Variants in ADAMTS20 observed in about 807,000 individuals in gnomAD.
ADAMTS20 encodes ADAM metallopeptidase with thrombospondin type 1 motif 20.
ADAMTS20 carries 225 observed loss-of-function variants against 260.1 expected under a neutral mutation model. The observed-to-expected ratio is 0.87, with a 90% CI of 0.78 to 0.97. The LOEUF is 0.97. ADAMTS20 is among the 50% of genes least tolerant of loss of function. The pLI is 0.00. For synonymous variants in ADAMTS20, 802 were observed against 769.5 expected, an observed-to-expected ratio of 1.04 and a Z score of -0.70; for missense variants, 2,400 against 2,337.7, an observed-to-expected ratio of 1.03 and a Z score of -0.55.
chr12:43,517,327 G>T (rs939319123), intron 3 of ADAMTS20, among the ~76,000 whole-genome samples: 14 of 151,912 alleles, frequency 9.2e-5, no homozygotes, highest in Admixed American at 5.2e-4. Flanking sequence ...AACCACTAGA[G>T]GACATAAATT....
chr12:43,498,032 T>C (rs973375807), intron 4 of ADAMTS20, among the ~76,000 whole-genome samples: 5 of 152,162 alleles, frequency 3.3e-5, no homozygotes, highest in African/African-American at 9.6e-5. Flanking sequence ...CATATATATA[T>C]GCCATTTTAA....
intron 28 of ADAMTS20, among the ~76,000 whole-genome samples, chr12:43,407,629 T>A (rs897003700): frequency 6.6e-6 from 1 of 152,166 alleles, no homozygotes; most frequent in Non-Finnish European, 1.5e-5. Context: ...TATAATATTA[T>A]TTTCCACAAA....
At chr12:43,529,366 A>T (rs1369911763) in intron 3 of ADAMTS20, among the ~76,000 whole-genome samples, 1 of 152,184 alleles carries the variant, frequency 6.6e-6, no homozygotes, top group Non-Finnish European at 1.5e-5. Context: ...TGTTTATTGC[A>T]GTCAAATTCA....
chr12:43,394,918 T>C (rs1940668670), intron 29 of ADAMTS20, among the ~76,000 whole-genome samples: 1 of 151,164 alleles, frequency 6.6e-6, no homozygotes, highest in Admixed American at 6.6e-5. Flanking sequence ...ATAAAAACTC[T>C]TAATATAGTA....
At chr12:43,441,067 AAAAAAAAAAAC>A (rs1406467426) in intron 16 of ADAMTS20, among the ~76,000 whole-genome samples, 15 of 116,038 alleles carry the variant, frequency 1.3e-4, no homozygotes, top group South Asian at 2.6e-4. Flanking sequence ...TCCGTCTCCA[AAAAAAAAAAAC>A]AAAAAAAAAA....
At chr12:43,528,840 G>T (rs919698628) in intron 3 of ADAMTS20, among the ~76,000 whole-genome samples, 1 of 152,042 alleles carries the variant, frequency 6.6e-6, no homozygotes, top group Admixed American at 6.6e-5. Flanking sequence ...CACAGCAAAA[G>T]AAATAATCAT....
chr12:43,392,168 A>G (rs891289611), intron 29 of ADAMTS20, among the ~76,000 whole-genome samples: 2 of 152,134 alleles, frequency 1.3e-5, no homozygotes, highest in Non-Finnish European at 2.9e-5. Flanking sequence ...ATAGACTAAA[A>G]TGTCTGGATG....
intron 4 of ADAMTS20, among the ~76,000 whole-genome samples, chr12:43,497,628 A>T (rs145505955): frequency 8.5e-5 from 13 of 152,266 alleles, no homozygotes; most frequent in African/African-American, 2.4e-4. Context: ...TGAAGTATGA[A>T]AGCATATCAT....
In ADAMTS20 at chr12:43,472,746, A is replaced by G. The variant is rs1592087315; in HGVS notation, c.1118-4041T>C. On this transcript the variant is annotated intron_variant, in intron 7 of 38. Transcript: ENST00000389420. ...ATATCCAGCCAAACTAAGCTTCATA[A>G]GTGAAGGAGAAATAAAATACTTTAC... Among the ~76,000 whole-genome samples the G allele has an allele frequency of 3.3e-5, 5 of 151,374 alleles. 1 individual carries two copies. Among genetic ancestry groups the G allele is most frequent in the African/African-American group, 1.2e-4 (5 of 41,142 alleles).
chr12:43,469,135 T>G (rs1010141831), intron 7 of ADAMTS20, among the ~76,000 whole-genome samples: 1 of 152,092 alleles, frequency 6.6e-6, no homozygotes, highest in African/African-American at 2.4e-5. Context: ...TTCTTTACTT[T>G]TTTAAGGTTT....
At chr12:43,486,144 A>T (rs1015806486) in intron 7 of ADAMTS20, among the ~76,000 whole-genome samples, 3 of 152,144 alleles carry the variant, frequency 2.0e-5, no homozygotes, top group Non-Finnish European at 4.4e-5. Context: ...AAAAAGAATA[A>T]ACCTGGAAGC....
At chr12:43,399,255 A>G in intron 28 of ADAMTS20, 22 bp from the exon 29 acceptor site, 1 of 1,423,068 alleles carries the variant, frequency 7.0e-7, no homozygotes, top group Non-Finnish European at 9.2e-7. Flanking sequence ...ATATGAATGC[A>G]CTTGATTCAT....
chr12:43,431,035 G>A (rs1316105110), intron 22 of ADAMTS20, among the ~76,000 whole-genome samples: 2 of 152,184 alleles, frequency 1.3e-5, no homozygotes, highest in Non-Finnish European at 2.9e-5. Context: ...AGATATCAAT[G>A]CAGACACAGA....
rs183693449 is a variant in ADAMTS20, at chr12:43,531,575, C to T, written c.613+461G>A. Among the ~76,000 whole-genome samples the T allele has an allele frequency of 2.4e-4, 37 of 152,110 alleles. 1 individual carries two copies. The highest frequency in any genetic ancestry group is 2.4e-3 in the Admixed American group (37 of 15,266). ...ATATGACCTTATTTATATGTGGAAT[C>T]TAAAAGAGTTGAACTCATAGATGTA... On this transcript the variant is annotated intron_variant, in intron 3 of 38. Transcript: ENST00000389420.
At chr12:43,523,055 C>T (rs1193068263) in intron 3 of ADAMTS20, among the ~76,000 whole-genome samples, 1 of 152,168 alleles carries the variant, frequency 6.6e-6, no homozygotes, top group Non-Finnish European at 1.5e-5. Context: ...TGTAGGCCCA[C>T]CTATTTAAAG....
intron 19 of ADAMTS20, among the ~76,000 whole-genome samples, chr12:43,433,478 G>C (rs1215930068): frequency 6.6e-6 from 1 of 152,086 alleles, no homozygotes; most frequent in Non-Finnish European, 1.5e-5. Flanking sequence ...CTATGTAGTG[G>C]ATGCAACTTA....
chr12:43,376,117 G>C lies in ADAMTS20; in HGVS notation c.5252C>G (p.Pro1751Arg). 4 of 1,610,008 alleles carry C rather than the reference G, an allele frequency of 2.5e-6. No individual in the cohort carries two copies. The highest frequency in any genetic ancestry group is 2.2e-5 in the South Asian group (2 of 89,868). ...TTGGACCAGTGTTAAATATTCCTTA[G>C]GGTTCTCCAAGTACATGTCTGCACA... ...IYCADMYLEN[P>R]KEYLTLVQGE... Residue 1751 changes from proline (P) to arginine (R), a missense_variant, in exon 35 of 39, where the codon CCT becomes CGT. Physicochemically the swap from Pro to Arg is moderately radical, Grantham distance 103 (BLOSUM62 -2). Coordinates refer to ENST00000389420, the MANE Select transcript of ADAMTS20 (RefSeq NM_025003.5).
intron 27 of ADAMTS20, among the ~76,000 whole-genome samples, chr12:43,426,244 C>T (rs1460352022): frequency 2.0e-5 from 3 of 152,082 alleles, no homozygotes; most frequent in African/African-American, 7.2e-5. Flanking sequence ...GGAAATATAC[C>T]AAATCTTGCT....
In ADAMTS20 at chr12:43,502,407, T is replaced by A; in HGVS notation, c.614-2A>T. Reference sequence around the variant, plus strand: ...AACTGGTTTCCTTTATTTGACTTTCTAGGGAGAAAAAAAGAATATAATGCA... The same window carrying A: ...AACTGGTTTCCTTTATTTGACTTTCAAGGGAGAAAAAAAGAATATAATGCA... On this transcript the variant is annotated splice_acceptor_variant, in intron 3 of 38. Transcript: ENST00000389420. LOFTEE classifies it high-confidence loss of function. 6.4e-7 allele frequency: 1 copy of A among 1,572,464 alleles called. No individual in the cohort carries two copies.
Sources: allele counts gnomAD v4.1 joint callset (sites outside exome capture counted in the v4.1 genomes callset), GRCh38; gene constraint gnomAD v4.1.1; transcripts MANE v1.5; gene names NCBI Gene and HGNC (gene_info 2026-07-23, HGNC 2026-07-21).